Variants in AKAP7 observed in about 807,000 individuals in gnomAD.
AKAP7 encodes A-kinase anchoring protein 7.
A neutral mutation model predicts 39.5 loss-of-function variants in AKAP7; 39 were observed. The ratio of observed to expected loss-of-function variants is 0.99; its 90% confidence interval spans 0.76 to 1.29. AKAP7 has a LOEUF of 1.29. Among genes scored for constraint, AKAP7 ranks in the 50% most tolerant of loss-of-function variants. The probability of loss-of-function intolerance (pLI) is 0.00; values close to 1 mark genes in which losing one functional copy is unlikely to be tolerated. For synonymous variants in AKAP7, 140 were observed against 139.1 expected (o/e 1.01, Z -0.05); for missense variants, 414 against 407.7 (o/e 1.02, Z -0.13).
In AKAP7 at chr6:131,135,516, G is replaced by GGCTGCCGCCGCCGCTGCTGCC. The variant is rs1488483639; in HGVS notation, c.-239_-219dup. The GGCTGCCGCCGCCGCTGCTGCC allele has an allele frequency of 5.5e-4, 89 of 162,172 alleles. 1 individual carries two copies. In the South Asian group the frequency reaches 5.8e-3, roughly 10 times the overall value. The allele number at this position is 162,172 out of a possible 1,614,324, so 10.0% of individuals were successfully genotyped here. ...GGCATGCGGGTGCTGCGGCTGCTGC[G>GGCTGCCGCCGCCGCTGCTGCC]GCTGCCGCCGCCGCTGCTGCCGCTG... On this transcript the variant is annotated 5_prime_UTR_variant, in exon 1 of 8. Coordinates refer to ENST00000431975, the MANE Select transcript of AKAP7 (RefSeq NM_016377.4).
At chr6:131,142,749 G>A (rs1236252054) in intron 1 of AKAP7, among the ~76,000 whole-genome samples, 1 of 152,244 alleles carries the variant, frequency 6.6e-6, no homozygotes, top group African/African-American at 2.4e-5. Flanking sequence ...GCCACTGGCA[G>A]CTTACACCCT....
rs1425221971 is a variant in AKAP7 at position 131,283,115 on chromosome 6, A to C, written c.*1389A>C. The C allele has an allele frequency of 6.5e-6, 1 of 152,902 alleles. No individual in the cohort carries two copies. Among genetic ancestry groups the C allele is most frequent in the Non-Finnish European group, 1.5e-5 (1 of 68,206 alleles). 9.5% of individuals were successfully genotyped at this position (152,902 alleles called of 1,614,324 possible). On this transcript the variant is annotated 3_prime_UTR_variant, in exon 8 of 8. Coordinates refer to ENST00000431975, the MANE Select transcript of AKAP7 (RefSeq NM_016377.4). ...ATGTAATTATTGCGATCACTGGTTAAGAATGTTTTATATATCCTTATAATA... is the reference window on the plus strand; with the variant it reads ...ATGTAATTATTGCGATCACTGGTTACGAATGTTTTATATATCCTTATAATA...
At chr6:131,133,650 G>C (rs1388375073), upstream of AKAP7, among the ~76,000 whole-genome samples, 1 of 152,140 alleles carries the variant, frequency 6.6e-6, no homozygotes, top group Non-Finnish European at 1.5e-5. Flanking sequence ...CACCACAGGG[G>C]AAGAAAAATC....
intron 6 of AKAP7, among the ~76,000 whole-genome samples, chr6:131,208,900 C>T (rs1008659444): frequency 6.6e-6 from 1 of 152,138 alleles, no homozygotes; most frequent in African/African-American, 2.4e-5. Context: ...AAAGCTTTTG[C>T]TAAGAAGTGA....
At chr6:131,250,248 C>A in intron 7 of AKAP7, 1 of 1,096,376 alleles carries the variant, frequency 9.1e-7, no homozygotes. Flanking sequence ...CCAGACAGAA[C>A]ACATGGCACT....
intron 7 of AKAP7, among the ~76,000 whole-genome samples, chr6:131,266,886 T>A (rs547166822): frequency 1.3e-5 from 2 of 152,294 alleles, no homozygotes; most frequent in South Asian, 4.1e-4. Flanking sequence ...CTCGATAAAC[T>A]TGGTTGACAG....
intron 7 of AKAP7, among the ~76,000 whole-genome samples, chr6:131,263,346 C>T (rs1813517248): frequency 6.6e-6 from 1 of 152,140 alleles, no homozygotes; most frequent in Admixed American, 6.6e-5. Flanking sequence ...TGGCTTCACT[C>T]AGTGATGGGG....
At chr6:131,155,288 A>C (rs1234006615) in intron 2 of AKAP7, among the ~76,000 whole-genome samples, 2 of 152,214 alleles carry the variant, frequency 1.3e-5, no homozygotes, top group Non-Finnish European at 2.9e-5. Flanking sequence ...TGCTAAGATT[A>C]CAGGCATGAG....
At position 131,143,270 on chromosome 6, in the gene AKAP7, A is replaced by G. The variant is rs777219010; in HGVS notation, c.20-2015A>G. On this transcript the variant is annotated intron_variant, in intron 1 of 7. Coordinates refer to ENST00000431975, the MANE Select transcript of AKAP7 (RefSeq NM_016377.4). ...TCCTCCAAATCCCGTGTTGAGATGT[A>G]ATCCCCAATGTTGGAGATAGGGCTT... 5.9e-4 allele frequency among the ~76,000 whole-genome samples: 86 copies of G among 145,108 alleles called. 1 individual carries two copies. Among genetic ancestry groups the G allele is most frequent in the Admixed American group, 4.0e-4 (6 of 15,084 alleles).
chr6:131,149,153 GGTCT>G (rs1801715381), intron 2 of AKAP7, among the ~76,000 whole-genome samples: 1 of 152,284 alleles, frequency 6.6e-6, no homozygotes, highest in Middle Eastern at 3.4e-3. Flanking sequence ...GGCAGCATGT[GGTCT>G]GGTTGGGTGA....
At chr6:131,243,640 C>T (rs540462164) in intron 7 of AKAP7, among the ~76,000 whole-genome samples, 13 of 152,190 alleles carry the variant, frequency 8.5e-5, no homozygotes, top group Non-Finnish European at 1.6e-4. Flanking sequence ...GCTTGACATA[C>T]CAGGAAATGT....
intron 1 of AKAP7, among the ~76,000 whole-genome samples, chr6:131,140,290 G>A (rs918475821): frequency 6.6e-6 from 1 of 152,062 alleles, no homozygotes; most frequent in African/African-American, 2.4e-5. Flanking sequence ...AAGCTCTGCA[G>A]GTGATTCTAA....
chr6:131,196,841 A>G (rs1213929179), intron 5 of AKAP7, among the ~76,000 whole-genome samples: 2 of 152,136 alleles, frequency 1.3e-5, no homozygotes, highest in African/African-American at 4.8e-5. Context: ...AAATCATAGC[A>G]ATGTTATATT....
At position 131,282,032 on chromosome 6, in the gene AKAP7, G is replaced by T; in HGVS notation, c.*306G>T. 1 of 1,145,888 alleles carries T rather than the reference G, an allele frequency of 8.7e-7. No individual in the cohort carries two copies. The highest frequency in any genetic ancestry group is 4.0e-5 in the South Asian group (1 of 24,956). 71.0% of individuals were successfully genotyped at this position (1,145,888 alleles called of 1,614,324 possible). A position where few individuals can be genotyped will look rare whatever the true frequency, so the allele number is the denominator to read the frequency against. On this transcript the variant is annotated 3_prime_UTR_variant, in exon 8 of 8. Coordinates refer to ENST00000431975, the MANE Select transcript of AKAP7 (RefSeq NM_016377.4). ...GCCTCCTGGACGCAAATTAAAGGCCGAGAAAGAGGCCTTGCCATCAATGGA... is the reference window on the plus strand; with the variant it reads ...GCCTCCTGGACGCAAATTAAAGGCCTAGAAAGAGGCCTTGCCATCAATGGA...
chr6:131,277,577 G>A (rs780737594), intron 7 of AKAP7, among the ~76,000 whole-genome samples: 1 of 152,158 alleles, frequency 6.6e-6, no homozygotes, highest in Non-Finnish European at 1.5e-5. Context: ...CAGGTAGTTG[G>A]CAGAAGAAAA....
intron 2 of AKAP7, among the ~76,000 whole-genome samples, chr6:131,154,627 T>C (rs550268357): frequency 6.6e-6 from 1 of 152,136 alleles, no homozygotes; most frequent in Non-Finnish European, 1.5e-5. Flanking sequence ...AATACTTTAG[T>C]ATATTTCTTT....
intron 5 of AKAP7, among the ~76,000 whole-genome samples, chr6:131,182,135 A>T (rs1805321798): frequency 6.6e-6 from 1 of 152,070 alleles, no homozygotes; most frequent in Non-Finnish European, 1.5e-5. Flanking sequence ...GAAAAAAAAA[A>T]TAATTTTTAA....
intron 5 of AKAP7, among the ~76,000 whole-genome samples, chr6:131,197,921 A>T (rs770110180): frequency 1.1e-4 from 16 of 152,328 alleles, no homozygotes; most frequent in Non-Finnish European, 1.6e-4. Context: ...ATTGGTGATC[A>T]GACAAAGAAA....
chr6:131,197,559 TTTTC>T (rs1308769192), intron 5 of AKAP7, among the ~76,000 whole-genome samples: 1 of 152,210 alleles, frequency 6.6e-6, no homozygotes, highest in African/African-American at 2.4e-5. Context: ...CTCTGTTCTT[TTTTC>T]TTTATGTTTT....
Sources: allele counts gnomAD v4.1 joint callset (sites outside exome capture counted in the v4.1 genomes callset), GRCh38; gene constraint gnomAD v4.1.1; transcripts MANE v1.5; gene names NCBI Gene and HGNC (gene_info 2026-07-23, HGNC 2026-07-21).